GRHL2: variants seen among roughly 807,000 people sequenced by gnomAD.
GRHL2 encodes grainyhead like transcription factor 2, also known as grainyhead-like protein 2 homolog.
A neutral mutation model predicts 83.8 loss-of-function variants in GRHL2; 21 were observed. The observed-to-expected ratio is 0.25, with a 90% CI of 0.18 to 0.36. The LOEUF (loss-of-function observed/expected upper bound fraction) is 0.36. Ranked by LOEUF, GRHL2 falls within the 10% of genes least tolerant of loss-of-function variation. GRHL2 has a pLI of 1.00. For synonymous variants in GRHL2, 280 were observed against 278.9 expected (o/e 1.00, Z -0.04); for missense variants, 623 against 781.8 (o/e 0.80, Z 2.42).
At chr8:101,611,025 A>G (rs1812738597) in intron 8 of GRHL2, among the ~76,000 whole-genome samples, 1 of 151,062 alleles carries the variant, frequency 6.6e-6, no homozygotes, top group Non-Finnish European at 1.5e-5. Flanking sequence ...ACATCTGGAC[A>G]GCAGTGAGTG....
chr8:101,511,111 AAT>A (rs1810455744), intron 1 of GRHL2, among the ~76,000 whole-genome samples: 1 of 152,104 alleles, frequency 6.6e-6, no homozygotes, highest in South Asian at 2.1e-4. Context: ...AAAAAAAAAA[AAT>A]TTTTTTTCAC....
chr8:101,677,760 C>T, the GRHL2 span, among the ~76,000 whole-genome samples: 67,334 of 151,766 alleles, frequency 0.44, 15,528 homozygotes, highest in South Asian at 0.55. Context: ...AATCATTGTG[C>T]GCATTCCCAA....
intron 1 of GRHL2, among the ~76,000 whole-genome samples, chr8:101,494,284 C>T (rs1780919331): frequency 6.6e-6 from 1 of 152,180 alleles, no homozygotes; most frequent in Non-Finnish European, 1.5e-5. Flanking sequence ...CTAGCCTCAA[C>T]ATAAAGCCGC....
chr8:101,533,320 A>G (rs1222096186), intron 1 of GRHL2, among the ~76,000 whole-genome samples: 1 of 152,252 alleles, frequency 6.6e-6, no homozygotes, highest in Admixed American at 6.5e-5. Context: ...TGATTTTATG[A>G]AAACCTGAAG....
chr8:101,587,231 A>G (rs1812187618), intron 7 of GRHL2, among the ~76,000 whole-genome samples: 1 of 152,166 alleles, frequency 6.6e-6, no homozygotes. Flanking sequence ...GCCTTTTCTG[A>G]TATTTCTCCT....
intron 11 of GRHL2, among the ~76,000 whole-genome samples, chr8:101,632,862 C>T (rs1026461236): frequency 6.6e-6 from 1 of 152,160 alleles, no homozygotes; most frequent in Non-Finnish European, 1.5e-5. Context: ...AGGTTGTAGG[C>T]AAGCCCCCTT....
chr8:101,555,464 A>T (rs1054858632), intron 3 of GRHL2, among the ~76,000 whole-genome samples: 1 of 151,828 alleles, frequency 6.6e-6, no homozygotes, highest in Non-Finnish European at 1.5e-5. Context: ...TTTATTACTG[A>T]TTTCATGATG....
intron 7 of GRHL2, among the ~76,000 whole-genome samples, chr8:101,588,297 G>A (rs964329822): frequency 2.0e-5 from 3 of 152,102 alleles, no homozygotes; most frequent in Non-Finnish European, 4.4e-5. Flanking sequence ...AAACTGTAAC[G>A]GCAACAGCAG....
At chr8:101,655,299 G>C (rs148870379) in intron 14 of GRHL2, among the ~76,000 whole-genome samples, 127 of 152,280 alleles carry the variant, frequency 8.3e-4, no homozygotes, top group African/African-American at 3.0e-3. Flanking sequence ...TGACTGACTT[G>C]GTTCAAATCA....
At chr8:101,637,599 C>G (rs1004242061) in intron 12 of GRHL2, among the ~76,000 whole-genome samples, 3 of 152,146 alleles carry the variant, frequency 2.0e-5, no homozygotes, top group East Asian at 3.8e-4. Flanking sequence ...CAAAAAGAAA[C>G]CTTAAGGTCA....
intron 7 of GRHL2, among the ~76,000 whole-genome samples, chr8:101,592,426 T>C (rs1812307082): frequency 6.6e-6 from 1 of 152,100 alleles, no homozygotes; most frequent in East Asian, 1.9e-4. Context: ...TCTAATACTG[T>C]GTGGAGTGAA....
chr8:101,543,679 T>A lies in GRHL2; in HGVS notation c.216+243T>A, dbSNP rs1007925208. ...ATATTTTTTGTGTTCCTTGTTCACA[T>A]GCATAAATATTATTTGCATATTATT... On this transcript the variant is annotated intron_variant, in intron 2 of 15. Coordinates refer to ENST00000646743, the MANE Select transcript of GRHL2 (RefSeq NM_024915.4). 21 of 524,634 alleles carry A rather than the reference T, an allele frequency of 4.0e-5. No homozygotes were observed. In the South Asian group the frequency reaches 4.1e-4, roughly 10 times the overall value. 32.5% of individuals were successfully genotyped at this position (524,634 alleles called of 1,614,324 possible). A position where few individuals can be genotyped will look rare whatever the true frequency, so the allele number is the denominator to read the frequency against.
intron 11 of GRHL2, among the ~76,000 whole-genome samples, chr8:101,634,234 A>G (rs1167531549): frequency 1.3e-5 from 2 of 152,098 alleles, no homozygotes; most frequent in South Asian, 2.1e-4. Flanking sequence ...GAGGGGGTCA[A>G]TGAAGAAGCC....
chr8:101,548,215 A>G (rs1216414461), intron 2 of GRHL2, among the ~76,000 whole-genome samples: 1 of 152,230 alleles, frequency 6.6e-6, no homozygotes, highest in Non-Finnish European at 1.5e-5. Context: ...CACTAAGTAG[A>G]TATGACCTCC....
intron 1 of GRHL2, among the ~76,000 whole-genome samples, chr8:101,515,203 C>CACACACACACACAT (rs1453162644): frequency 6.6e-6 from 1 of 151,450 alleles, no homozygotes; most frequent in Non-Finnish European, 1.5e-5. Context: ...CACACACACA[C>CACACACACACACAT]ACACACATTA....
chr8:101,665,380 C>T (rs370912697), intron 15 of GRHL2, among the ~76,000 whole-genome samples: 32 of 152,282 alleles, frequency 2.1e-4, no homozygotes, highest in East Asian at 9.7e-4. Context: ...AACTCTTCTC[C>T]GGATCACTTT....
At chr8:101,618,671 G>A (rs1004700768) in intron 8 of GRHL2, among the ~76,000 whole-genome samples, 8 of 151,804 alleles carry the variant, frequency 5.3e-5, no homozygotes, top group East Asian at 1.9e-4. Context: ...TCAGTGATTC[G>A]CTCATCTAAT....
intron 2 of GRHL2, among the ~76,000 whole-genome samples, chr8:101,549,331 G>A (rs866491345): frequency 2.0e-5 from 3 of 152,246 alleles, no homozygotes; most frequent in African/African-American, 7.2e-5. Context: ...AGCACTGATG[G>A]GTTTTAAGTA....
intron 1 of GRHL2, among the ~76,000 whole-genome samples, chr8:101,534,277 T>C (rs372435915): frequency 6.6e-6 from 1 of 152,148 alleles, no homozygotes; most frequent in African/African-American, 2.4e-5. Flanking sequence ...GGGTTCATAA[T>C]TGATTCAAGA....
Sources: allele counts gnomAD v4.1 joint callset (sites outside exome capture counted in the v4.1 genomes callset), GRCh38; gene constraint gnomAD v4.1.1; transcripts MANE v1.5; gene names NCBI Gene and HGNC (gene_info 2026-07-23, HGNC 2026-07-21).